NKAIN3: variants seen among roughly 807,000 people sequenced by gnomAD.
NKAIN3 encodes the protein sodium/potassium-transporting ATPase subunit beta-1-interacting protein 3.
In NKAIN3, 25 loss-of-function variants were observed where a neutral mutation model predicts 30.2. That is an observed-to-expected ratio of 0.83 (90% CI 0.60 to 1.16). The LOEUF is 1.16. NKAIN3 is among the 50% of genes most tolerant of loss of function. The pLI is 0.00. For synonymous variants in NKAIN3, 91 were observed against 89.6 expected (o/e 1.02, Z -0.09); for missense variants, 225 against 254.1 (o/e 0.89, Z 0.78).
At chr8:62,897,729 C>T (rs1397463691) in intron 4 of NKAIN3, among the ~76,000 whole-genome samples, 2 of 152,130 alleles carry the variant, frequency 1.3e-5, no homozygotes. Flanking sequence ...GACTAATGCT[C>T]TCCTTTGGGA....
intron 3 of NKAIN3, among the ~76,000 whole-genome samples, chr8:62,668,210 C>A (rs1461840185): frequency 1.3e-5 from 2 of 152,074 alleles, no homozygotes; most frequent in East Asian, 3.9e-4. Context: ...AATTGCATTT[C>A]TTTTTCTCGA....
intron 3 of NKAIN3, among the ~76,000 whole-genome samples, chr8:62,675,008 C>T (rs1813428302): frequency 6.6e-6 from 1 of 152,186 alleles, no homozygotes; most frequent in African/African-American, 2.4e-5. Flanking sequence ...CACAGGCTTC[C>T]TTCAAGTGCT....
intron 1 of NKAIN3, among the ~76,000 whole-genome samples, chr8:62,289,818 T>C (rs926320083): frequency 2.0e-5 from 3 of 152,220 alleles, no homozygotes; most frequent in Non-Finnish European, 4.4e-5. Context: ...ATTGAATCTA[T>C]AAATTACCTT....
At chr8:62,499,826 C>G (rs1016058782) in intron 1 of NKAIN3, among the ~76,000 whole-genome samples, 1 of 151,686 alleles carries the variant, frequency 6.6e-6, no homozygotes, top group African/African-American at 2.4e-5. Flanking sequence ...TTGTTTCTTT[C>G]TTTCTTTCTT....
intron 1 of NKAIN3, among the ~76,000 whole-genome samples, chr8:62,299,164 G>GA (rs997370339): frequency 1.9e-4 from 28 of 151,246 alleles, no homozygotes; most frequent in African/African-American, 4.8e-4. Context: ...CTTGTAAACA[G>GA]AAAAAAAAAT....
intron 2 of NKAIN3, among the ~76,000 whole-genome samples, chr8:62,586,379 C>T (rs953617023): frequency 6.6e-6 from 1 of 152,130 alleles, no homozygotes; most frequent in African/African-American, 2.4e-5. Flanking sequence ...AAACTTGACC[C>T]ATGTATCATT....
chr8:62,524,735 GTGA>G (rs1275376751), intron 1 of NKAIN3, among the ~76,000 whole-genome samples: 1 of 152,084 alleles, frequency 6.6e-6, no homozygotes, highest in Non-Finnish European at 1.5e-5. Context: ...CGGAAGAGCT[GTGA>G]TATTTTCCCT....
At chr8:62,955,156 C>T (rs1358699197) in intron 6 of NKAIN3, among the ~76,000 whole-genome samples, 2 of 152,160 alleles carry the variant, frequency 1.3e-5, no homozygotes, top group East Asian at 1.9e-4. Flanking sequence ...TAACTTTATT[C>T]TGGCAGAATG....
intron 1 of NKAIN3, among the ~76,000 whole-genome samples, chr8:62,249,894 G>A (rs531594061): frequency 1.3e-5 from 2 of 152,278 alleles, no homozygotes; most frequent in South Asian, 4.1e-4. Flanking sequence ...CAGAGCAAAT[G>A]CTCCTCTTAA....
intron 4 of NKAIN3, among the ~76,000 whole-genome samples, chr8:62,861,464 T>C (rs762035356): frequency 9.2e-5 from 14 of 152,248 alleles, no homozygotes; most frequent in Admixed American, 2.0e-4. Flanking sequence ...TTTCCTGGCG[T>C]CACTTGAAAT....
intron 4 of NKAIN3, among the ~76,000 whole-genome samples, chr8:62,881,163 A>C (rs1820967783): frequency 6.6e-6 from 1 of 152,210 alleles, no homozygotes; most frequent in African/African-American, 2.4e-5. Flanking sequence ...CATTTACATT[A>C]GGGTTCACTC....
intron 1 of NKAIN3, among the ~76,000 whole-genome samples, chr8:62,492,100 A>G (rs971367768): frequency 6.6e-6 from 1 of 152,136 alleles, no homozygotes; most frequent in Non-Finnish European, 1.5e-5. Context: ...CAAAAATGAC[A>G]GGTGAAGTGG....
At chr8:62,771,886 A>G (rs958689469) in intron 4 of NKAIN3, among the ~76,000 whole-genome samples, 8 of 152,140 alleles carry the variant, frequency 5.3e-5, no homozygotes, top group African/African-American at 1.7e-4. Context: ...ATCACCTCAT[A>G]TATTTATCCT....
At chr8:62,864,005 C>G in intron 4 of NKAIN3, 1 of 737,668 alleles carries the variant, frequency 1.4e-6, no homozygotes, top group Non-Finnish European at 2.5e-6. Context: ...TGTTGAGGCT[C>G]CAGCTTTGTA....
At chr8:62,781,370 G>A (rs577489599) in intron 4 of NKAIN3, among the ~76,000 whole-genome samples, 36 of 151,434 alleles carry the variant, frequency 2.4e-4, no homozygotes, top group Admixed American at 7.9e-4. Context: ...CTACAGATTC[G>A]ATGCAATCTT....
intron 1 of NKAIN3, among the ~76,000 whole-genome samples, chr8:62,372,950 CCAG>C (rs1186905935): frequency 6.6e-6 from 1 of 152,048 alleles, no homozygotes; most frequent in Non-Finnish European, 1.5e-5. Flanking sequence ...CTTACACCTA[CCAG>C]CAGGACAAGC....
At position 62,311,095 on chromosome 8, in the gene NKAIN3, G is replaced by C. The variant is rs1814412872; in HGVS notation, c.54+61968G>C. Among the ~76,000 whole-genome samples the C allele has an allele frequency of 2.0e-5, 3 of 150,118 alleles. 1 individual carries two copies. The highest frequency in any genetic ancestry group is 2.0e-4 in the Admixed American group (3 of 15,182). ...TGGAGGAATCATTGTTTACATGCAG[G>C]CTTTGAAAACTGATTTTTAAAAACA... On this transcript the variant is annotated intron_variant, in intron 1 of 6. Transcript: ENST00000623646.
intron 3 of NKAIN3, among the ~76,000 whole-genome samples, chr8:62,644,469 C>A (rs554860240): frequency 2.7e-4 from 41 of 152,120 alleles, no homozygotes; most frequent in Non-Finnish European, 4.9e-4. Context: ...CACTTTTAGA[C>A]TACCCAAATA....
chr8:62,515,705 A>G (rs1016269258), intron 1 of NKAIN3, among the ~76,000 whole-genome samples: 4 of 152,112 alleles, frequency 2.6e-5, no homozygotes, highest in Admixed American at 2.6e-4. Context: ...AGAATCCACT[A>G]GGGTTTCTGT....
Sources: allele counts gnomAD v4.1 joint callset (sites outside exome capture counted in the v4.1 genomes callset), GRCh38; gene constraint gnomAD v4.1.1; transcripts MANE v1.5; gene names NCBI Gene and HGNC (gene_info 2026-07-23, HGNC 2026-07-21).